Variants in CCL28 observed in about 807,000 individuals in gnomAD.
CCL28 encodes C-C motif chemokine 28.
A neutral mutation model predicts 7.1 loss-of-function variants in CCL28; 4 were observed. That is an observed-to-expected ratio of 0.56 (90% CI 0.28 to 1.29). CCL28 has a LOEUF of 1.29. CCL28 is among the 50% of genes most tolerant of loss of function. CCL28 has a pLI of 0.11. For missense variants in CCL28, 151 were observed against 163.4 expected (o/e 0.92, Z 0.41); for synonymous variants, 55 against 57.8 (o/e 0.95, Z 0.22).
chr5:43,406,197 AAG>A (rs1458628087), intron 1 of CCL28, among the ~76,000 whole-genome samples: 2 of 152,116 alleles, frequency 1.3e-5, no homozygotes, highest in East Asian at 3.8e-4. Flanking sequence ...ACAACAAAAA[AAG>A]AGAATTTTAG....
chr5:43,400,643 C>A (rs1305604683), intron 1 of CCL28, among the ~76,000 whole-genome samples: 2 of 152,112 alleles, frequency 1.3e-5, no homozygotes, highest in Non-Finnish European at 2.9e-5. Context: ...ATTTGAAAGG[C>A]ACTGGTACTA....
chr5:43,381,644 A>T lies in CCL28; in HGVS notation c.*216T>A. The T allele has an allele frequency of 2.1e-6, 1 of 473,432 alleles. No homozygotes were observed. The highest frequency in any genetic ancestry group is 3.9e-5 in the Admixed American group (1 of 25,720). 29.3% of individuals were successfully genotyped at this position (473,432 alleles called of 1,614,324 possible). ...CGAAGTGCTGGGATAAAAGGTGTGA[A>T]CCACCATACCCAGCCAGTATTATCT... On this transcript the variant is annotated 3_prime_UTR_variant, in exon 3 of 3. Coordinates refer to ENST00000361115, the MANE Select transcript of CCL28 (RefSeq NM_148672.3).
chr5:43,383,118 C>T, intron 2 of CCL28, among the ~76,000 whole-genome samples: 1 of 152,072 alleles, frequency 6.6e-6, no homozygotes, highest in East Asian at 1.9e-4. Flanking sequence ...GCACCTGGCT[C>T]ATTTTCATTT....
rs541493664 is a variant in CCL28, at chr5:43,393,692, C to A, written c.65-5216G>T. Among the ~76,000 whole-genome samples the A allele has an allele frequency of 1.3e-4, 20 of 152,318 alleles. No homozygotes were observed. In the South Asian group the frequency reaches 3.9e-3, roughly 30 times the overall value. ...TTCTTAAGATGAGGTTCTTTAAAGA[C>A]ATAGTGTATCTTAATCTTTACTTTT... On this transcript the variant is annotated intron_variant, in intron 1 of 2. Transcript: ENST00000361115.
At chr5:43,362,388 C>A in the CCL28 span, among the ~76,000 whole-genome samples, 5 of 152,002 alleles carry the variant, frequency 3.3e-5, 1 homozygote, top group African/African-American at 7.2e-5. Context: ...GCTTTTGGGC[C>A]AAGACTATGG....
chr5:43,388,874 A>C (rs142177656), intron 1 of CCL28, among the ~76,000 whole-genome samples: 6 of 152,228 alleles, frequency 3.9e-5, no homozygotes, highest in African/African-American at 1.2e-4. Flanking sequence ...CTCTGCATTC[A>C]AAGTTGAAAT....
At chr5:43,403,918 GATGAAATGA>G (rs999984226) in intron 1 of CCL28, among the ~76,000 whole-genome samples, 1 of 152,162 alleles carries the variant, frequency 6.6e-6, no homozygotes, top group Non-Finnish European at 1.5e-5. Context: ...GGTGATGGAA[GATGAAATGA>G]ATGAAATGAA....
At chr5:43,369,527 C>G in the CCL28 span, among the ~76,000 whole-genome samples, 1 of 152,040 alleles carries the variant, frequency 6.6e-6, no homozygotes, top group African/African-American at 2.4e-5. Flanking sequence ...CAGGTTAAAG[C>G]GATTCTCCTA....
chr5:43,408,198 A>T (rs1741378099), intron 1 of CCL28, among the ~76,000 whole-genome samples: 1 of 152,262 alleles, frequency 6.6e-6, no homozygotes, highest in Admixed American at 6.5e-5. Flanking sequence ...ATGTATGTTT[A>T]TTGCAGCACT....
At chr5:43,398,126 A>G (rs1740887995) in intron 1 of CCL28, among the ~76,000 whole-genome samples, 1 of 152,270 alleles carries the variant, frequency 6.6e-6, no homozygotes, top group Admixed American at 6.5e-5. Context: ...CCTGCATTGT[A>G]TCAGTCTTTG....
chr5:43,388,343 C>T lies in CCL28; in HGVS notation c.191+7G>A. ...AGGTTTAGACCTCCCGGCTGATGAG[C>T]ACTCACATGACAGCAGCCAAGTCAC... On this transcript the variant is annotated splice_region_variant and intron_variant, in intron 2 of 2. Transcript: ENST00000361115. 6.2e-7 allele frequency: 1 copy of T among 1,614,044 alleles called. No homozygotes were observed. The highest frequency in any genetic ancestry group is 1.3e-5 in the African/African-American group (1 of 75,020).
downstream of CCL28, among the ~76,000 whole-genome samples, chr5:43,373,775 T>C (rs914283385): frequency 1.3e-5 from 2 of 152,246 alleles, no homozygotes; most frequent in African/African-American, 4.8e-5. Flanking sequence ...GTGCCATTTG[T>C]CTTCACTGTG....
downstream of CCL28, chr5:43,377,521 GAAA>G (rs1194864522): frequency 7.0e-6 from 1 of 143,686 alleles, no homozygotes; most frequent in Non-Finnish European, 1.5e-5. Flanking sequence ...AAGAAAGAAA[GAAA>G]AAAGAAAAAG....
At chr5:43,404,085 T>A (rs373161545) in intron 1 of CCL28, among the ~76,000 whole-genome samples, 1 of 152,166 alleles carries the variant, frequency 6.6e-6, no homozygotes, top group African/African-American at 2.4e-5. Flanking sequence ...AAAACACTCT[T>A]CAGGATATCA....
chr5:43,408,323 G>A (rs1328274165), intron 1 of CCL28, among the ~76,000 whole-genome samples: 1 of 152,166 alleles, frequency 6.6e-6, no homozygotes, highest in Non-Finnish European at 1.5e-5. Context: ...AAAAGGATGA[G>A]TTCATGTCCT....
At chr5:43,363,939 T>C in the CCL28 span, among the ~76,000 whole-genome samples, 1 of 152,096 alleles carries the variant, frequency 6.6e-6, no homozygotes, top group African/African-American at 2.4e-5. Context: ...TTGAGACTAG[T>C]GAATCATCAT....
chr5:43,363,612 C>A, the CCL28 span, among the ~76,000 whole-genome samples: 1 of 152,230 alleles, frequency 6.6e-6, no homozygotes, highest in Non-Finnish European at 1.5e-5. Context: ...GAGTGACCAA[C>A]TGAGAATGCA....
chr5:43,411,458 G>C (rs1443861587), intron 1 of CCL28, among the ~76,000 whole-genome samples: 1 of 152,064 alleles, frequency 6.6e-6, no homozygotes, highest in Non-Finnish European at 1.5e-5. Context: ...AATTTGTATG[G>C]TTCAATCTCC....
At chr5:43,388,513 G>A (rs756190151) in intron 1 of CCL28, 37 bp from the exon 2 acceptor site, 31 of 1,600,768 alleles carry the variant, frequency 1.9e-5, no homozygotes, top group Non-Finnish European at 2.4e-5. Flanking sequence ...TAAATTTTAC[G>A]GTTTATAGAA....
Sources: allele counts gnomAD v4.1 joint callset (sites outside exome capture counted in the v4.1 genomes callset), GRCh38; gene constraint gnomAD v4.1.1; transcripts MANE v1.5; gene names NCBI Gene and HGNC (gene_info 2026-07-23, HGNC 2026-07-21).